The following CSNK1G1 variants were observed in gnomAD, a reference collection of about 807,000 sequenced individuals.
CSNK1G1 encodes casein kinase I isoform gamma-1.
CSNK1G1 carries 22 observed loss-of-function variants against 59.6 expected under a neutral mutation model. The observed-to-expected ratio is 0.37, with a 90% CI of 0.26 to 0.53. The LOEUF (loss-of-function observed/expected upper bound fraction) is 0.53, where lower values mean the gene tolerates loss of function less well. Among genes scored for constraint, CSNK1G1 ranks in the 20% least tolerant of loss-of-function variants. The pLI, the probability that CSNK1G1 is intolerant of heterozygous loss-of-function variation, is 0.89. For missense variants in CSNK1G1, 384 were observed against 519.5 expected (o/e 0.74, Z 2.54); for synonymous variants, 179 against 177.1 (o/e 1.01, Z -0.08).
intron 1 of CSNK1G1, among the ~76,000 whole-genome samples, chr15:64,355,427 G>A (rs928444132): frequency 2.0e-5 from 3 of 152,174 alleles, no homozygotes. Context: ...GTGGGGGCGA[G>A]GAAACAGTAA....
chr15:64,269,517 G>A (rs1312180700), intron 2 of CSNK1G1, among the ~76,000 whole-genome samples: 5 of 145,370 alleles, frequency 3.4e-5, no homozygotes, highest in African/African-American at 7.6e-5. Flanking sequence ...TTTTTGAGAC[G>A]GAGTCTTGCT....
At chr15:64,303,489 T>C (rs570697797) in intron 1 of CSNK1G1, among the ~76,000 whole-genome samples, 11 of 151,962 alleles carry the variant, frequency 7.2e-5, no homozygotes, top group African/African-American at 2.6e-4. Flanking sequence ...CAGTGGCTCA[T>C]GCCTATAATC....
intron 1 of CSNK1G1, among the ~76,000 whole-genome samples, chr15:64,336,364 T>A (rs2140467082): frequency 6.6e-6 from 1 of 152,328 alleles, no homozygotes; most frequent in East Asian, 1.9e-4. Context: ...CTTCCTTTCT[T>A]ATTTGTTTTA....
chr15:64,174,643 A>C (rs2081719665), intron 11 of CSNK1G1, among the ~76,000 whole-genome samples: 1 of 152,196 alleles, frequency 6.6e-6, no homozygotes, highest in Non-Finnish European at 1.5e-5. Flanking sequence ...CTGGAGTCAA[A>C]ATCGATCCAA....
chr15:64,232,800 G>A (rs566262663), intron 4 of CSNK1G1, among the ~76,000 whole-genome samples: 5 of 152,084 alleles, frequency 3.3e-5, no homozygotes, highest in African/African-American at 9.7e-5. Context: ...GTGAGAATAC[G>A]GATGGAAGAG....
intron 1 of CSNK1G1, among the ~76,000 whole-genome samples, chr15:64,310,579 T>C (rs1158482396): frequency 6.7e-6 from 1 of 149,426 alleles, no homozygotes; most frequent in African/African-American, 2.5e-5. Context: ...TAGCTGGGCA[T>C]GGTGGTGTGT....
rs558348706 is a variant in CSNK1G1 at position 64,301,311 on chromosome 15, T to C, written c.-224-588A>G. 5.3e-5 allele frequency among the ~76,000 whole-genome samples: 8 copies of C among 150,482 alleles called. 1 individual carries two copies. The highest frequency in any genetic ancestry group is 1.7e-4 in the African/African-American group (7 of 40,832). ...GGTGGTTTTTGCTGTATGCTGAGTA[T>C]GCAATGACAGAGTGCCAAAAAGAGA... is the stretch of plus-strand genomic sequence containing the variant. On this transcript the variant is annotated intron_variant, in intron 1 of 11. Transcript: ENST00000303052.
rs760331516 is a variant in CSNK1G1, at chr15:64,180,467, G to C, written c.1108-13C>G. 1 of 1,605,208 alleles carries C rather than the reference G, an allele frequency of 6.2e-7. No individual in the cohort carries two copies. Among genetic ancestry groups the C allele is most frequent in the East Asian group, 2.2e-5 (1 of 44,858 alleles). On this transcript the variant is annotated splice_polypyrimidine_tract_variant and intron_variant, in intron 10 of 11. Transcript: ENST00000303052. ...TTGAGCTAACCACCTGAAACAGAAA[G>C]ACAGAAGTGTGTGACAGGCACCATG...
At chr15:64,354,028 G>A (rs1045952771) in intron 1 of CSNK1G1, among the ~76,000 whole-genome samples, 2 of 152,092 alleles carry the variant, frequency 1.3e-5, no homozygotes, top group African/African-American at 4.8e-5. Flanking sequence ...CAAGTAGGCC[G>A]GGCACGGTGG....
intron 1 of CSNK1G1, among the ~76,000 whole-genome samples, chr15:64,318,909 C>T (rs893779857): frequency 4.6e-5 from 7 of 151,726 alleles, no homozygotes; most frequent in Non-Finnish European, 4.4e-5. Context: ...CCGTGCCTGG[C>T]CAACATGATC....
chr15:64,229,939 T>TA (rs1555501688), intron 4 of CSNK1G1, among the ~76,000 whole-genome samples: 4 of 121,544 alleles, frequency 3.3e-5, no homozygotes, highest in African/African-American at 3.2e-5. Context: ...TTTTTTTTTT[T>TA]AAGACAGAAT....
chr15:64,267,549 T>C (rs62021613), intron 2 of CSNK1G1, among the ~76,000 whole-genome samples: 16,605 of 152,084 alleles, frequency 0.11, 1,216 homozygotes, highest in Middle Eastern at 0.2. Context: ...GGCTAGCAGA[T>C]ACATGACAAA....
intron 4 of CSNK1G1, among the ~76,000 whole-genome samples, chr15:64,221,931 T>C (rs1318528623): frequency 2.6e-5 from 4 of 152,120 alleles, no homozygotes; most frequent in East Asian, 1.9e-4. Context: ...ACTGAGTATA[T>C]ACCCAAAGGA....
chr15:64,184,232 G>C (rs2081858974), intron 10 of CSNK1G1, among the ~76,000 whole-genome samples: 1 of 152,064 alleles, frequency 6.6e-6, no homozygotes, highest in Non-Finnish European at 1.5e-5. Flanking sequence ...GAACCTGGGA[G>C]GCGTAGCTTG....
chr15:64,181,386 G>A, intron 10 of CSNK1G1: 1 of 1,535,706 alleles, frequency 6.5e-7, no homozygotes, highest in Admixed American at 2.0e-5. Context: ...GTGGGAAAAG[G>A]GGCCTCACTG....
At chr15:64,180,229 A>T (rs1345108390) in intron 11 of CSNK1G1, 119 bp downstream of exon 11, 5 of 732,574 alleles carry the variant, frequency 6.8e-6, no homozygotes, top group African/African-American at 1.8e-5. Flanking sequence ...CAGTTAAGGA[A>T]GAAAGCTGTG....
rs2081643359 is a variant in CSNK1G1, at chr15:64,169,706, C to G, written c.*2225G>C. ...GCAAGGACATAAATCCCAATATTCA[C>G]AGTCCTTGTGGGGAAGGGGTGTGAT... On this transcript the variant is annotated 3_prime_UTR_variant, in exon 12 of 12. Coordinates refer to ENST00000303052, the MANE Select transcript of CSNK1G1 (RefSeq NM_022048.5). The G allele has an allele frequency of 1.3e-5, 2 of 152,234 alleles. No homozygotes were observed. Among genetic ancestry groups the G allele is most frequent in the Non-Finnish European group, 1.5e-5 (1 of 68,046 alleles). 9.4% of individuals were successfully genotyped at this position (152,234 alleles called of 1,614,324 possible).
chr15:64,280,801 T>G (rs1421899937), intron 2 of CSNK1G1, among the ~76,000 whole-genome samples: 1 of 152,186 alleles, frequency 6.6e-6, no homozygotes, highest in Admixed American at 6.5e-5. Flanking sequence ...GCAACCCAAA[T>G]GTCCATTGAT....
chr15:64,234,447 T>A (rs1339893187), intron 4 of CSNK1G1, among the ~76,000 whole-genome samples: 1 of 152,182 alleles, frequency 6.6e-6, no homozygotes, highest in African/African-American at 2.4e-5. Flanking sequence ...AAGTATGAGA[T>A]GAGCTACCTC....
Sources: gnomAD v4.1 joint callset for allele counts (sites outside exome capture counted in the v4.1 genomes callset) on GRCh38, gnomAD v4.1.1 for gene constraint, MANE v1.5 for transcripts, NCBI Gene and HGNC (gene_info 2026-07-23, HGNC 2026-07-21) for gene names.